The following CFAP92 variants were observed in gnomAD, a reference collection of about 807,000 sequenced individuals.
CFAP92 encodes the protein uncharacterized protein CFAP92.
CFAP92 carries 86 observed loss-of-function variants against 106.3 expected under a neutral mutation model. The ratio of observed to expected loss-of-function variants is 0.81; its 90% CI spans 0.68 to 0.97. CFAP92 has a LOEUF of 0.97. CFAP92 is among the 50% of genes least tolerant of loss of function. The pLI is 0.00. For missense variants in CFAP92, 1,204 were observed against 1,283.8 expected (o/e 0.94, Z 0.95); for synonymous variants, 477 against 506.4 (o/e 0.94, Z 0.78).
upstream of CFAP92, among the ~76,000 whole-genome samples, chr3:128,996,858 C>A (rs552870309): frequency 6.6e-6 from 1 of 152,350 alleles, no homozygotes; most frequent in Non-Finnish European, 1.5e-5. Flanking sequence ...TGGGTTCCCC[C>A]GCCCCCAGTG....
chr3:128,919,074 A>G (rs997654261), intron 12 of CFAP92, among the ~76,000 whole-genome samples: 6 of 151,542 alleles, frequency 4.0e-5, no homozygotes, highest in African/African-American at 1.5e-4. Context: ...CAGCCTCCCA[A>G]GTAGCTGGGA....
intron 10 of CFAP92, among the ~76,000 whole-genome samples, chr3:128,939,294 A>G (rs1939382630): frequency 6.6e-6 from 1 of 151,896 alleles, no homozygotes; most frequent in Non-Finnish European, 1.5e-5. Flanking sequence ...GTGCGCCACC[A>G]CGCCTGGCTA....
At chr3:128,980,366 CA>C (rs71153158) in intron 4 of CFAP92, among the ~76,000 whole-genome samples, 34,511 of 100,538 alleles carry the variant, frequency 0.34, 4,526 homozygotes, top group East Asian at 0.51. Context: ...GACCCTGTCT[CA>C]AAAAAAAAAA....
intron 9 of CFAP92, among the ~76,000 whole-genome samples, chr3:128,960,001 C>G (rs1941758172): frequency 1.3e-5 from 2 of 152,198 alleles, no homozygotes; most frequent in African/African-American, 2.4e-5. Flanking sequence ...TAGTCTCCCC[C>G]ACCCTTAAGA....
chr3:128,910,331 T>G lies in CFAP92; in HGVS notation c.3283A>C (p.Arg1095=). Residue 1095 remains arginine, a splice_region_variant and synonymous_variant, in exon 16 of 16, where the codon AGG becomes CGG. Transcript: ENST00000645291. ...ATGGGGCTGTTCCCTTTCTTCTTCCTGACTGAGAGAAGAGGGGGTGAGTGA... is the reference window on the plus strand; with the variant it reads ...ATGGGGCTGTTCCCTTTCTTCTTCCGGACTGAGAGAAGAGGGGGTGAGTGA... ...PSPAPKPVTV[R]KKKGNSPIS 3 of 1,473,932 alleles carry G rather than the reference T, an allele frequency of 2.0e-6. No individual in the cohort carries two copies. The highest frequency in any genetic ancestry group is 2.7e-6 in the Non-Finnish European group (3 of 1,115,206). The allele number at this position is 1,473,932 out of a possible 1,614,324, so 91.3% of individuals were successfully genotyped here.
At chr3:129,019,904 G>T in the CFAP92 span, among the ~76,000 whole-genome samples, 1 of 151,698 alleles carries the variant, frequency 6.6e-6, no homozygotes. Flanking sequence ...AAGTAGCTGG[G>T]ACTATAGGTA....
intron 1 of CFAP92, among the ~76,000 whole-genome samples, chr3:128,999,457 T>TG (rs1944605833): frequency 9.5e-6 from 1 of 105,122 alleles, no homozygotes; most frequent in Non-Finnish European, 2.0e-5. Context: ...GCTGCAGGGA[T>TG]GGGGGGTGGG....
At chr3:128,994,114 C>G (rs1211048850), upstream of CFAP92, 2 of 985,802 alleles carry the variant, frequency 2.0e-6, no homozygotes, top group Non-Finnish European at 2.4e-6. Context: ...GGCCGCAGGC[C>G]CAGCCACTCA....
At position 128,959,128 on chromosome 3, in the gene CFAP92, T is replaced by G. The variant is rs144129516; in HGVS notation, c.1353+6383A>C. 4.4e-3 allele frequency among the ~76,000 whole-genome samples: 666 copies of G among 152,248 alleles called. 2 individuals carry two copies. Among genetic ancestry groups the G allele is most frequent in the African/African-American group, 0.015 (622 of 41,538 alleles). On this transcript the variant is annotated intron_variant, in intron 9 of 15. Transcript: ENST00000645291. ...GGGAGGCTGAGGCAGAAGAATCGCT[T>G]GAACCCAGGAGGTGGAGGTTGTGGT...
upstream of CFAP92, among the ~76,000 whole-genome samples, chr3:129,006,757 G>A (rs946521633): frequency 2.6e-5 from 4 of 152,202 alleles, no homozygotes; most frequent in African/African-American, 9.7e-5. Context: ...GCAGATGGCT[G>A]TGTCACTAAT....
At chr3:128,974,523 A>G (rs1327467266) in intron 7 of CFAP92, among the ~76,000 whole-genome samples, 1 of 152,196 alleles carries the variant, frequency 6.6e-6, no homozygotes, top group African/African-American at 2.4e-5. Flanking sequence ...TCATTCCACC[A>G]TAAGAGTGAA....
At position 128,986,315 on chromosome 3, in the gene CFAP92, C is replaced by T. The variant is rs202123047; in HGVS notation, c.667+1301G>A. Reference sequence around the variant, plus strand: ...TGTGCAGTCGTACAAACACAGCTTACTGAAGCCTCGACCTCCCAGGATTAA... The same window carrying T: ...TGTGCAGTCGTACAAACACAGCTTATTGAAGCCTCGACCTCCCAGGATTAA... On this transcript the variant is annotated intron_variant, in intron 4 of 15. Transcript: ENST00000645291. Among the ~76,000 whole-genome samples, 6 of 150,738 alleles carry T rather than the reference C, an allele frequency of 4.0e-5. No individual in the cohort carries two copies. In the East Asian group the frequency reaches 1.2e-3, roughly 29 times the overall value.
At chr3:128,972,309 G>A (rs973656518) in intron 7 of CFAP92, among the ~76,000 whole-genome samples, 1 of 151,560 alleles carries the variant, frequency 6.6e-6, no homozygotes, top group East Asian at 1.9e-4. Flanking sequence ...TGGCACGATC[G>A]AGGCTCATTG....
At position 128,915,198 on chromosome 3, in the gene CFAP92, G is replaced by A; in HGVS notation, c.3201C>T (p.His1067=). 2.6e-6 allele frequency: 4 copies of A among 1,536,090 alleles called. No individual in the cohort carries two copies. The African/African-American group carries it at 5.5e-5, about 21-fold the overall frequency. ...TCTTGTACAGATCAAAGTCCACGTGGTGCCTGTCCCAGCTCCACCTGTCTC... is the reference window on the plus strand; with the variant it reads ...TCTTGTACAGATCAAAGTCCACGTGATGCCTGTCCCAGCTCCACCTGTCTC... ...LDRDRWSWDR[H]HVDFDLYKKP... The change falls in exon 15 of 16, where the codon CAC becomes CAT. Residue 1067 remains histidine, a synonymous_variant. Coordinates refer to ENST00000645291, the MANE Select transcript of CFAP92 (RefSeq NM_001394090.1).
intron 2 of CFAP92, among the ~76,000 whole-genome samples, chr3:128,989,243 C>T (rs1368971612): frequency 6.7e-6 from 1 of 148,936 alleles, no homozygotes; most frequent in Non-Finnish European, 1.5e-5. Flanking sequence ...TTAGGAGAGA[C>T]GCCATACTTG....
the CFAP92 span, among the ~76,000 whole-genome samples, chr3:129,017,778 G>T: frequency 6.6e-6 from 1 of 152,162 alleles, no homozygotes; most frequent in Non-Finnish European, 1.5e-5. Context: ...AGAACATCAT[G>T]CCATCTCTGA....
At chr3:128,915,088 A>T in intron 15 of CFAP92, 31 bp downstream of exon 15, 1 of 1,530,006 alleles carries the variant, frequency 6.5e-7, no homozygotes, top group Non-Finnish European at 8.8e-7. Flanking sequence ...CGGCATCAGG[A>T]GGCCCAGCTT....
At chr3:128,921,843 C>T (rs1387019147) in intron 12 of CFAP92, among the ~76,000 whole-genome samples, 1 of 152,162 alleles carries the variant, frequency 6.6e-6, no homozygotes, top group South Asian at 2.1e-4. Flanking sequence ...CAACAATTGT[C>T]TCCCACCATA....
upstream of CFAP92, among the ~76,000 whole-genome samples, chr3:129,004,948 G>A (rs1183304041): frequency 6.6e-6 from 1 of 152,230 alleles, no homozygotes; most frequent in Admixed American, 6.5e-5. Context: ...GTGGAACACA[G>A]ATTGGGGTCC....
Sources: allele counts gnomAD v4.1 joint callset (sites outside exome capture counted in the v4.1 genomes callset), GRCh38; gene constraint gnomAD v4.1.1; transcripts MANE v1.5; gene names NCBI Gene and HGNC (gene_info 2026-07-23, HGNC 2026-07-21).